Variants in FMNL2 observed in about 807,000 individuals in gnomAD.
FMNL2 encodes the protein formin like 2.
FMNL2 carries 51 observed loss-of-function variants against 130.2 expected under a neutral mutation model. That is an observed-to-expected ratio of 0.39 (90% CI 0.31 to 0.49). The LOEUF (loss-of-function observed/expected upper bound fraction) is 0.49, where lower values mean the gene tolerates loss of function less well. Ranked by LOEUF, FMNL2 falls within the 20% of genes least tolerant of loss-of-function variation. The probability of loss-of-function intolerance (pLI) is 0.85; values close to 1 mark genes in which losing one functional copy is unlikely to be tolerated. For missense variants in FMNL2, 977 were observed against 1,316.2 expected (o/e 0.74, Z 3.99); for synonymous variants, 465 against 467.1 (o/e 1.00, Z 0.06).
intron 1 of FMNL2, among the ~76,000 whole-genome samples, chr2:152,402,120 T>G (rs1274077690): frequency 2.0e-5 from 3 of 152,166 alleles, no homozygotes; most frequent in South Asian, 2.1e-4. Context: ...GCCAGGATGG[T>G]CTCGATCTCC....
Position 152,618,926 on chromosome 2 carries a change from G to A in FMNL2, c.1395G>A (p.Gln465=), listed in dbSNP as rs1306379536. 13 of 1,613,890 alleles carry A rather than the reference G, an allele frequency of 8.1e-6. No homozygotes were observed. The South Asian group carries it at 1.4e-4, about 18-fold the overall frequency. The change falls in exon 14 of 26, where the codon CAG becomes CAA. Residue 465 remains glutamine (Q), a synonymous_variant. Coordinates refer to ENST00000288670, the MANE Select transcript of FMNL2 (RefSeq NM_052905.4). ...AAAAAGAAGAAGCAATTCAAAGACA[G>A]TCTACCCTGGAAAAAAAGATTCATG... is the stretch of plus-strand genomic sequence containing the variant. The part of the protein sequence containing the change: ...VKEKEEAIQR[Q]STLEKKIHEL...
chr2:152,616,117 A>G (rs1010200588), intron 12 of FMNL2, among the ~76,000 whole-genome samples: 2 of 152,014 alleles, frequency 1.3e-5, no homozygotes, highest in Non-Finnish European at 2.9e-5. Context: ...CTTTACTTGT[A>G]ATGAATTTAA....
intron 1 of FMNL2, among the ~76,000 whole-genome samples, chr2:152,384,492 C>G (rs1380045984): frequency 1.3e-5 from 2 of 151,986 alleles, no homozygotes; most frequent in African/African-American, 4.8e-5. Flanking sequence ...GAGATATGGT[C>G]CATTTGATGG....
intron 1 of FMNL2, among the ~76,000 whole-genome samples, chr2:152,469,643 G>T (rs1163893214): frequency 6.6e-6 from 1 of 152,148 alleles, no homozygotes; most frequent in Non-Finnish European, 1.5e-5. Flanking sequence ...CTTATGCTCC[G>T]CTTGGAGAGG....
chr2:152,604,388 C>G (rs980935121), intron 9 of FMNL2, among the ~76,000 whole-genome samples: 1 of 150,972 alleles, frequency 6.6e-6, no homozygotes, highest in Admixed American at 6.6e-5. Context: ...TAACATTCTT[C>G]GAAGAGCTTT....
chr2:152,389,828 C>T (rs938022342), intron 1 of FMNL2: 2 of 1,220,238 alleles, frequency 1.6e-6, no homozygotes, highest in Non-Finnish European at 2.4e-6. Context: ...GAGGGGATGG[C>T]AAAGAAGCTT....
chr2:152,380,022 A>G (rs144327051), intron 1 of FMNL2, among the ~76,000 whole-genome samples: 323 of 152,336 alleles, frequency 2.1e-3, no homozygotes, highest in African/African-American at 7.5e-3. Context: ...CGGAATAGTG[A>G]ATAGTTTCTG....
intron 1 of FMNL2, among the ~76,000 whole-genome samples, chr2:152,407,835 G>T (rs1579591964): frequency 6.6e-6 from 1 of 152,120 alleles, no homozygotes; most frequent in Non-Finnish European, 1.5e-5. Flanking sequence ...TAATCATAGT[G>T]GTGTCTAATA....
chr2:152,555,926 G>A (rs532371699), intron 4 of FMNL2, among the ~76,000 whole-genome samples: 1 of 152,200 alleles, frequency 6.6e-6, no homozygotes, highest in Non-Finnish European at 1.5e-5. Flanking sequence ...GTCCTTGCAT[G>A]ATCATTTACA....
chr2:152,450,379 C>G (rs1179335775), intron 1 of FMNL2, among the ~76,000 whole-genome samples: 1 of 152,120 alleles, frequency 6.6e-6, no homozygotes, highest in Non-Finnish European at 1.5e-5. Flanking sequence ...TTGCAGTGTT[C>G]CGTGGAGCGT....
At chr2:152,338,738 G>A (rs1483564197) in intron 1 of FMNL2, among the ~76,000 whole-genome samples, 1 of 150,798 alleles carries the variant, frequency 6.6e-6, no homozygotes, top group African/African-American at 2.4e-5. Flanking sequence ...TACATTTAAG[G>A]GAAAAAATTA....
intron 1 of FMNL2, among the ~76,000 whole-genome samples, chr2:152,411,336 A>G (rs1207831176): frequency 6.6e-6 from 1 of 152,144 alleles, no homozygotes; most frequent in Non-Finnish European, 1.5e-5. Flanking sequence ...TGTGTATTCT[A>G]CATACCACCA....
chr2:152,456,936 CAAAAAAAAA>C (rs59672196), intron 1 of FMNL2, among the ~76,000 whole-genome samples: 7 of 96,646 alleles, frequency 7.2e-5, no homozygotes, highest in African/African-American at 2.3e-4. Flanking sequence ...GACTCCCTTT[CAAAAAAAAA>C]AAAAAAAAAA....
chr2:152,520,696 A>C (rs1194783828), intron 1 of FMNL2, among the ~76,000 whole-genome samples: 1 of 152,190 alleles, frequency 6.6e-6, no homozygotes, highest in African/African-American at 2.4e-5. Flanking sequence ...AGGCATACCA[A>C]TCTAGATGTT....
At chr2:152,500,860 C>T (rs767375900) in intron 1 of FMNL2, among the ~76,000 whole-genome samples, 18 of 152,124 alleles carry the variant, frequency 1.2e-4, no homozygotes, top group Non-Finnish European at 2.5e-4. Flanking sequence ...CATCAAAACT[C>T]GGATGTCTAC....
intron 1 of FMNL2, among the ~76,000 whole-genome samples, chr2:152,340,626 G>C (rs1002652539): frequency 6.6e-6 from 1 of 152,236 alleles, no homozygotes; most frequent in African/African-American, 2.4e-5. Flanking sequence ...CAACCTGTCA[G>C]TGCAACGCAT....
intron 6 of FMNL2, among the ~76,000 whole-genome samples, chr2:152,564,791 TTTTTTTTA>T (rs1695736427): frequency 6.8e-6 from 1 of 147,924 alleles, no homozygotes; most frequent in African/African-American, 2.5e-5. Context: ...TTTTTTTTTT[TTTTTTTTA>T]ACCAAATTCT....
chr2:152,528,713 GGGGGCCACCA>G (rs1474876708), intron 2 of FMNL2, among the ~76,000 whole-genome samples: 1 of 152,078 alleles, frequency 6.6e-6, no homozygotes, highest in Non-Finnish European at 1.5e-5. Flanking sequence ...CATATCTTTT[GGGGGCCACCA>G]TTCAACCCAC....
At chr2:152,398,262 G>T (rs1685507066) in intron 1 of FMNL2, among the ~76,000 whole-genome samples, 1 of 152,206 alleles carries the variant, frequency 6.6e-6, no homozygotes, top group Non-Finnish European at 1.5e-5. Context: ...TATTATGGAG[G>T]TAGTGGGCTG....
Sources: allele counts gnomAD v4.1 joint callset (sites outside exome capture counted in the v4.1 genomes callset), GRCh38; gene constraint gnomAD v4.1.1; transcripts MANE v1.5; gene names NCBI Gene and HGNC (gene_info 2026-07-23, HGNC 2026-07-21).